The following BCL9L variants were observed in gnomAD, a reference collection of about 807,000 sequenced individuals.
The protein encoded by BCL9L is BCL9 like, also known as B-cell CLL/lymphoma 9-like protein.
In BCL9L, 19 loss-of-function variants were observed where a neutral mutation model predicts 99.4. That is an observed-to-expected ratio of 0.19 (90% CI 0.13 to 0.28). The LOEUF is 0.28. Ranked by LOEUF, BCL9L falls within the 10% of genes least tolerant of loss-of-function variation. BCL9L has a pLI of 1.00. For synonymous variants in BCL9L, 900 were observed against 854.8 expected (o/e 1.05, Z -0.92); for missense variants, 2,023 against 2,101.6 (o/e 0.96, Z 0.73).
Position 118,923,000 on chromosome 11 carries a change from G to A in BCL9L, c.-131+2238C>T, listed in dbSNP as rs539656526. Reference sequence around the variant, plus strand: ...CGTGTGGTACCAGAGGCAGTGTGGGGGTGCCCCCAGCTCCTCCTATTGGAC... The same window carrying A: ...CGTGTGGTACCAGAGGCAGTGTGGGAGTGCCCCCAGCTCCTCCTATTGGAC... On this transcript the variant is annotated intron_variant, in intron 1 of 9. Transcript: ENST00000683865. This position sits in a 1 kb window ranked among gnomAD's most constrained non-coding sequence, Gnocchi z 6.2. Among the ~76,000 whole-genome samples the A allele has an allele frequency of 3.3e-5, 5 of 152,054 alleles. No homozygotes were observed. Among genetic ancestry groups the A allele is most frequent in the South Asian group, 2.1e-4 (1 of 4,816 alleles).
intron 3 of BCL9L, 151 bp downstream of exon 3, chr11:118,909,763 C>G (rs1940701552): frequency 1.5e-6 from 2 of 1,321,912 alleles, no homozygotes; most frequent in African/African-American, 2.9e-5. Flanking sequence ...CCTTCCCATG[C>G]TAACCCCCCT....
Position 118,902,861 on chromosome 11 carries a change from C to T in BCL9L, c.882G>A (p.Pro294=), listed in dbSNP as rs776280506. The T allele has an allele frequency of 1.2e-5, 18 of 1,551,130 alleles. No homozygotes were observed. The highest frequency in any genetic ancestry group is 8.4e-5 in the South Asian group (7 of 83,216). ...GCTGGGACTGCGGGGTGCCTGCTGA[C>T]GGCGTGCTCAGGGGTAGCGGTTCTG... ...PTPEPLPLST[P]SAGTPQSQPP... The change falls in exon 8 of 10, where the codon CCG becomes CCA. Residue 294 remains proline, a synonymous_variant. Coordinates refer to ENST00000683865, the MANE Select transcript of BCL9L (RefSeq NM_001378213.1). This position sits in a 1 kb window ranked among gnomAD's most constrained non-coding sequence, Gnocchi z 7.8.
intron 1 of BCL9L, among the ~76,000 whole-genome samples, chr11:118,923,496 G>A (rs779596955): frequency 2.6e-5 from 4 of 152,144 alleles, no homozygotes; most frequent in Non-Finnish European, 5.9e-5. Context: ...TCTGTGGACT[G>A]CCAATCCCTC....
rs1404646430 is a variant in BCL9L at position 118,902,112 on chromosome 11, C to T, written c.1631G>A (p.Arg544His). Residue 544 changes from arginine to histidine, a missense_variant, in exon 8 of 10, where the codon CGT becomes CAT. Transcript: ENST00000683865. The surrounding 1 kb of genome is among the most constrained non-coding windows in gnomAD (Gnocchi z 7.8). ...KEEQIGLHGSRPLQDMMGMGG... is the reference protein window; with the variant it reads ...KEEQIGLHGSHPLQDMMGMGG... Reference sequence around the variant, plus strand: ...CATGCCCATCATGTCCTGCAGAGGACGGCTCCCATGCAGCCCAATCTGTTC... The same window carrying T: ...CATGCCCATCATGTCCTGCAGAGGATGGCTCCCATGCAGCCCAATCTGTTC... 8 of 1,614,106 alleles carry T rather than the reference C, an allele frequency of 5.0e-6. No individual in the cohort carries two copies. The highest frequency in any genetic ancestry group is 2.2e-5 in the South Asian group (2 of 91,088).
At chr11:118,909,841 C>A in intron 3 of BCL9L, 73 bp downstream of exon 3, 1 of 1,611,088 alleles carries the variant, frequency 6.2e-7, no homozygotes, top group South Asian at 1.1e-5. Flanking sequence ...ACAGCTTGGG[C>A]CCCATCACCA....
Position 118,901,871 on chromosome 11 carries a change from C to T in BCL9L, c.1872G>A (p.Val624=). 6.2e-7 allele frequency: 1 copy of T among 1,611,546 alleles called. No homozygotes were observed. The highest frequency in any genetic ancestry group is 8.5e-7 in the Non-Finnish European group (1 of 1,177,988). ...CGGGCCTCTGCATGGCATTCATGGG[C>T]ACCTCCATGGGCATACTCTGCATGC... ...FGGMQSMPME[V]PMNAMQRPVR... Residue 624 remains valine (V), a synonymous_variant, in exon 8 of 10, where the codon GTG becomes GTA. Coordinates refer to ENST00000683865, the MANE Select transcript of BCL9L (RefSeq NM_001378213.1). This position sits in a 1 kb window ranked among gnomAD's most constrained non-coding sequence, Gnocchi z 6.6.
Position 118,908,644 on chromosome 11 carries a change from G to A in BCL9L, c.38C>T (p.Pro13Leu). 6.2e-7 allele frequency: 1 copy of A among 1,610,090 alleles called. No homozygotes were observed. Among genetic ancestry groups the A allele is most frequent in the East Asian group, 2.2e-5 (1 of 44,844 alleles). ...ILANKTRLPH[P>L]RRREAPGSPP... ...GCTCCCTGGAGCTTCTCTCCTCCTG[G>A]GGTGGGGTAACCTGGGAGGAGGTGG... is the stretch of plus-strand genomic sequence containing the variant. Residue 13 changes from proline to leucine, a missense_variant, in exon 4 of 10, where the codon CCC becomes CTC. By Grantham distance (98) the Pro-to-Leu change is moderately conservative (BLOSUM62 -3). This residue lies in a region of BCL9L where 1,116 missense variants were observed against 1,194.6 expected (regional missense o/e 0.93). Transcript: ENST00000683865.
Position 118,922,156 on chromosome 11 carries a change from G to A in BCL9L, c.-131+3082C>T, listed in dbSNP as rs146162055. Among the ~76,000 whole-genome samples the A allele has an allele frequency of 1.4e-3, 220 of 152,180 alleles. 1 individual carries two copies. The highest frequency in any genetic ancestry group is 0.01 in the Middle Eastern group (3 of 294). On this transcript the variant is annotated intron_variant, in intron 1 of 9. Coordinates refer to ENST00000683865, the MANE Select transcript of BCL9L (RefSeq NM_001378213.1). This position sits in a 1 kb window ranked among gnomAD's most constrained non-coding sequence, Gnocchi z 6.2. ...GTCAGGCTGAGTTCTCCCAGGAGGG[G>A]AGGGAGGGGAGGTCAGGCCAGGCTG...
At position 118,908,251 on chromosome 11, in the gene BCL9L, G is replaced by A. The variant is rs1940611637; in HGVS notation, c.412+19C>T. On this transcript the variant is annotated intron_variant, in intron 4 of 9. Transcript: ENST00000683865. ...ACTATGGGAGATGCTAGGGTCTTAG[G>A]GATGAGGAAATGGGGTACCTTTGGC... 2.0e-6 allele frequency: 3 copies of A among 1,533,222 alleles called. No individual in the cohort carries two copies. The highest frequency in any genetic ancestry group is 2.3e-5 in the East Asian group (1 of 44,220). 95.0% of individuals were successfully genotyped at this position (1,533,222 alleles called of 1,614,324 possible). A position where few individuals can be genotyped will look rare whatever the true frequency, so the allele number is the denominator to read the frequency against.
In BCL9L at chr11:118,897,749, CT is replaced by C; in HGVS notation, c.*665del. On this transcript the variant is annotated 3_prime_UTR_variant, in exon 10 of 10. Transcript: ENST00000683865. ...AACTTGAAGAAGGGGGGAAGGGTTT[CT>C]TTTATCCTTTTTTTTTTGTGTGACT... 1 of 438,858 alleles carries C rather than the reference CT, an allele frequency of 2.3e-6. No individual in the cohort carries two copies. The highest frequency in any genetic ancestry group is 2.6e-5 in the Admixed American group (1 of 38,758). The allele number at this position is 438,858 out of a possible 1,614,324, so 27.2% of individuals were successfully genotyped here.
At position 118,901,539 on chromosome 11, in the gene BCL9L, C is replaced by T; in HGVS notation, c.2204G>A (p.Gly735Asp). The change falls in exon 8 of 10, where the codon GGC becomes GAC. Residue 735 changes from glycine to aspartate, a missense_variant. Physicochemically the swap from Gly to Asp is moderately conservative, Grantham distance 94 (BLOSUM62 -1). Around this residue, in one of 3 missense-constraint regions of BCL9L, gnomAD observed 1,116 missense variants for 1,194.6 expected, o/e 0.93. Coordinates refer to ENST00000683865, the MANE Select transcript of BCL9L (RefSeq NM_001378213.1). The surrounding 1 kb of genome is among the most constrained non-coding windows in gnomAD (Gnocchi z 6.6). Reference protein sequence around the residue: ...GQMAGGEGLAGTPMGMEFGGG... With the variant: ...GQMAGGEGLADTPMGMEFGGG... ...ACCAAACTCCATGCCCATGGGAGTGCCCGCCAGGCCCTCACCACCAGCCAT... is the reference window on the plus strand; with the variant it reads ...ACCAAACTCCATGCCCATGGGAGTGTCCGCCAGGCCCTCACCACCAGCCAT... The T allele has an allele frequency of 6.2e-7, 1 of 1,614,084 alleles. No individual in the cohort carries two copies. The highest frequency in any genetic ancestry group is 8.5e-7 in the Non-Finnish European group (1 of 1,180,016).
intron 2 of BCL9L, chr11:118,911,382 T>C (rs1390047093): frequency 4.7e-6 from 2 of 426,970 alleles, no homozygotes; most frequent in Non-Finnish European, 9.6e-6. Context: ...CCTGCGGGAG[T>C]CTAACCCCAA....
At chr11:118,911,040 G>A (rs1261782991) in intron 2 of BCL9L, 5 of 341,508 alleles carry the variant, frequency 1.5e-5, no homozygotes, top group Non-Finnish European at 3.0e-5. Context: ...TTGAACAGAT[G>A]AAAAGACTGA....
chr11:118,917,426 T>C (rs930156215), intron 2 of BCL9L, among the ~76,000 whole-genome samples: 1 of 152,198 alleles, frequency 6.6e-6, no homozygotes, highest in Admixed American at 6.5e-5. Flanking sequence ...TTATCCTCAC[T>C]TTCCCACTAA....
At chr11:118,911,753 T>C (rs572885053) in intron 2 of BCL9L, among the ~76,000 whole-genome samples, 7 of 152,346 alleles carry the variant, frequency 4.6e-5, no homozygotes, top group African/African-American at 1.7e-4. Context: ...GACACTGCAG[T>C]GACCCCACCT....
At chr11:118,911,974 T>C (rs1940812501) in intron 2 of BCL9L, among the ~76,000 whole-genome samples, 1 of 152,262 alleles carries the variant, frequency 6.6e-6, no homozygotes, top group African/African-American at 2.4e-5. Flanking sequence ...CGTTCAGGCC[T>C]AGGCTCCTCC....
At chr11:118,919,110 C>T (rs1471775650) in intron 1 of BCL9L, among the ~76,000 whole-genome samples, 3 of 19,264 alleles carry the variant, frequency 1.6e-4, no homozygotes, top group African/African-American at 2.5e-4. Context: ...CGCTGCCCCC[C>T]CCCCCCCGAC....
At chr11:118,917,215 C>T (rs1468987359) in intron 2 of BCL9L, among the ~76,000 whole-genome samples, 2 of 152,190 alleles carry the variant, frequency 1.3e-5, no homozygotes, top group African/African-American at 2.4e-5. Context: ...CACCCCCACA[C>T]TCCCTCTCTC....
chr11:118,913,111 G>C (rs925764510), intron 2 of BCL9L, among the ~76,000 whole-genome samples: 12 of 152,198 alleles, frequency 7.9e-5, no homozygotes, highest in Admixed American at 6.5e-4. Context: ...GGGACTTCCA[G>C]GCTTAGGGGG....
Sources: allele counts gnomAD v4.1 joint callset (sites outside exome capture counted in the v4.1 genomes callset), GRCh38; gene constraint gnomAD v4.1.1; regional missense constraint gnomAD v4.1.1; non-coding constraint Gnocchi (gnomAD v3.1); transcripts MANE v1.5; gene names NCBI Gene and HGNC (gene_info 2026-07-23, HGNC 2026-07-21).